DGKH: variants seen among roughly 807,000 people sequenced by gnomAD.
DGKH encodes the protein DAG kinase eta.
A neutral mutation model predicts 159.3 loss-of-function variants in DGKH; 90 were observed. That is an observed-to-expected ratio of 0.57 (90% CI 0.48 to 0.67). The LOEUF is 0.67. Ranked by LOEUF, DGKH falls within the 30% of genes least tolerant of loss-of-function variation. The probability of loss-of-function intolerance (pLI) is 0.00; values close to 1 mark genes in which losing one functional copy is unlikely to be tolerated. For synonymous variants in DGKH, 536 were observed against 553.8 expected (o/e 0.97, Z 0.45); for missense variants, 1,181 against 1,506.1 (o/e 0.78, Z 3.57).
At chr13:42,224,585 T>A (rs1439846508) in intron 29 of DGKH, among the ~76,000 whole-genome samples, 1 of 152,212 alleles carries the variant, frequency 6.6e-6, no homozygotes, top group Admixed American at 6.5e-5. Context: ...TTAAAACTTT[T>A]CAGTAGCTTC....
chr13:42,044,517 C>T (rs2137625147), upstream of DGKH, among the ~76,000 whole-genome samples: 1 of 152,280 alleles, frequency 6.6e-6, no homozygotes, highest in East Asian at 1.9e-4. Context: ...TCTCGATCTC[C>T]TGACCTCGTG....
chr13:42,098,192 A>C (rs768394155), intron 1 of DGKH, among the ~76,000 whole-genome samples: 9 of 152,132 alleles, frequency 5.9e-5, no homozygotes, highest in Non-Finnish European at 1.2e-4. Flanking sequence ...TAATATTATA[A>C]ATTGAAAATT....
At chr13:42,070,018 T>C in intron 1 of DGKH, 1 of 865,742 alleles carries the variant, frequency 1.2e-6, no homozygotes, top group Non-Finnish European at 2.0e-6. Context: ...CTGACAGTCA[T>C]AGTACCTTTC....
Position 42,219,254 on chromosome 13 carries a change from C to T in DGKH, c.3238C>T (p.Arg1080Ter), listed in dbSNP as rs368268622. Residue 1080 changes from arginine (R) to a stop codon, truncating the protein, a stop_gained, in exon 27 of 30, where the codon CGA becomes TGA. Coordinates refer to ENST00000337343, the MANE Select transcript of DGKH (RefSeq NM_178009.5). LOFTEE classifies it high-confidence loss of function. ...GCAGCTGGAATCGCCACATGAAGAGCGAGTATCCAATGCCTTACACTCTGT... is the reference window on the plus strand; with the variant it reads ...GCAGCTGGAATCGCCACATGAAGAGTGAGTATCCAATGCCTTACACTCTGT... ...PLQLESPHEE[R>*]VSNALHSVEV... The T allele has an allele frequency of 3.1e-6, 5 of 1,613,632 alleles. No homozygotes were observed. Among genetic ancestry groups the T allele is most frequent in the Non-Finnish European group, 4.2e-6 (5 of 1,179,812 alleles).
chr13:42,211,389 G>C (rs950292351), intron 24 of DGKH, among the ~76,000 whole-genome samples: 1 of 152,062 alleles, frequency 6.6e-6, no homozygotes, highest in African/African-American at 2.4e-5. Context: ...CTGAGACCGG[G>C]TAATTTATAA....
intron 20 of DGKH, among the ~76,000 whole-genome samples, chr13:42,201,933 C>T (rs1264699409): frequency 6.6e-6 from 1 of 152,046 alleles, no homozygotes; most frequent in Non-Finnish European, 1.5e-5. Context: ...ATGATGAAAT[C>T]ACGGGTGTTA....
At chr13:42,061,807 T>G (rs1882189840) in intron 1 of DGKH, among the ~76,000 whole-genome samples, 3 of 152,240 alleles carry the variant, frequency 2.0e-5, no homozygotes, top group African/African-American at 7.2e-5. Flanking sequence ...TTGAGTTCTA[T>G]TCTAGGTGCT....
In DGKH at chr13:42,159,308, C is replaced by G; in HGVS notation, c.665C>G (p.Thr222Arg). ...KAHKRCAVRA[T>R]NNCKWTTLAS... The stretch of plus-strand genomic sequence containing the variant: ...CACAAAAGATGTGCAGTGAGAGCAA[C>G]AAATAACTGTAAATGGACTACCCTG... The change falls in exon 6 of 30, where the codon ACA becomes AGA. Residue 222 changes from threonine to arginine, a missense_variant. Physicochemically the swap from Thr to Arg is moderately conservative, Grantham distance 71 (BLOSUM62 -1). Coordinates refer to ENST00000337343, the MANE Select transcript of DGKH (RefSeq NM_178009.5). 3 of 1,397,316 alleles carry G rather than the reference C, an allele frequency of 2.1e-6. No homozygotes were observed. The highest frequency in any genetic ancestry group is 2.9e-6 in the Non-Finnish European group (3 of 1,049,884). The allele number at this position is 1,397,316 out of a possible 1,614,324, so 86.6% of individuals were successfully genotyped here.
intron 3 of DGKH, among the ~76,000 whole-genome samples, chr13:42,144,490 C>G (rs1251882438): frequency 6.6e-6 from 1 of 152,036 alleles, no homozygotes; most frequent in African/African-American, 2.4e-5. Context: ...AGTTAGAGAC[C>G]AGCCTGGCCA....
upstream of DGKH, among the ~76,000 whole-genome samples, chr13:42,047,952 T>G (rs538071477): frequency 7.2e-5 from 11 of 151,728 alleles, no homozygotes; most frequent in Non-Finnish European, 1.2e-4. Flanking sequence ...TCGCTCTTTC[T>G]GAACGAAAAG....
chr13:42,206,060 C>G lies in DGKH; in HGVS notation c.2515C>G (p.Leu839Val). Reference protein sequence around the residue: ...QLECDGQYIPLPSLQGIAVLN... With the variant: ...QLECDGQYIPVPSLQGIAVLN... ...ACAGTGTGATGGGCAGTATATTCCT[C>G]TTCCCAGCTTGCAAGGCATAGCCGT... The change falls in exon 21 of 30, where the codon CTT becomes GTT. Residue 839 changes from leucine (L) to valine (V), a missense_variant. Transcript: ENST00000337343. 2.8e-6 allele frequency: 4 copies of G among 1,406,450 alleles called. No individual in the cohort carries two copies. The highest frequency in any genetic ancestry group is 3.7e-6 in the Non-Finnish European group (4 of 1,073,440). The allele number at this position is 1,406,450 out of a possible 1,614,324, so 87.1% of individuals were successfully genotyped here. A position where few individuals can be genotyped will look rare whatever the true frequency, so the allele number is the denominator to read the frequency against.
Position 42,229,200 on chromosome 13 carries a change from C to T in DGKH, c.*12C>T. The T allele has an allele frequency of 6.2e-7, 1 of 1,603,872 alleles. No homozygotes were observed. Among genetic ancestry groups the T allele is most frequent in the Non-Finnish European group, 8.5e-7 (1 of 1,176,548 alleles). On this transcript the variant is annotated 3_prime_UTR_variant, in exon 30 of 30. Coordinates refer to ENST00000337343, the MANE Select transcript of DGKH (RefSeq NM_178009.5). Reference sequence around the variant, plus strand: ...AGTCGGAGGTGTAATCATATTGGTGCTATTTCTTGGAAGAGAAGTTATTGC... The same window carrying T: ...AGTCGGAGGTGTAATCATATTGGTGTTATTTCTTGGAAGAGAAGTTATTGC...
rs1383694808 is a variant in DGKH at position 42,083,383 on chromosome 13, CT to C, written c.192+34420del. 3.3e-5 allele frequency among the ~76,000 whole-genome samples: 5 copies of C among 152,120 alleles called. No homozygotes were observed. In the East Asian group the frequency reaches 9.6e-4, roughly 29 times the overall value. On this transcript the variant is annotated intron_variant, in intron 1 of 29. Coordinates refer to ENST00000337343, the MANE Select transcript of DGKH (RefSeq NM_178009.5). ...AAGGTCATTGAAACTCTTTTTTCCG[CT>C]TGTAAAATGGTGACATGCTCTCCTC...
At chr13:42,068,985 A>C in intron 1 of DGKH, 1 of 1,486,360 alleles carries the variant, frequency 6.7e-7, no homozygotes, top group Non-Finnish European at 9.3e-7. Context: ...TTTGAGGGGA[A>C]GATTTCATAG....
intron 1 of DGKH, among the ~76,000 whole-genome samples, chr13:42,109,112 C>T (rs1055580649): frequency 6.6e-6 from 1 of 152,100 alleles, no homozygotes; most frequent in African/African-American, 2.4e-5. Flanking sequence ...GTGCTGGGTG[C>T]TAAGGAGACA....
chr13:42,221,328 A>T lies in DGKH; in HGVS notation c.3507A>T (p.Lys1169Asn). Residue 1169 changes from lysine to asparagine, a missense_variant, in exon 29 of 30, where the codon AAA becomes AAT. Coordinates refer to ENST00000337343, the MANE Select transcript of DGKH (RefSeq NM_178009.5). ...WLDLLNLGEY[K>N]DIFIRHDIRG... is the part of the protein sequence containing the mutation. ...ATCTGCTCAATTTGGGAGAGTACAAAGATATCTTCATCCGTCATGACATCA... is the reference window on the plus strand; with the variant it reads ...ATCTGCTCAATTTGGGAGAGTACAATGATATCTTCATCCGTCATGACATCA... 2 of 1,613,842 alleles carry T rather than the reference A, an allele frequency of 1.2e-6. No individual in the cohort carries two copies. Among genetic ancestry groups the T allele is most frequent in the Non-Finnish European group, 1.7e-6 (2 of 1,179,758 alleles).
At chr13:42,209,227 T>C (rs1957578372) in intron 22 of DGKH, 104 bp from the exon 23 acceptor site, 1 of 1,458,120 alleles carries the variant, frequency 6.9e-7, no homozygotes, top group Non-Finnish European at 9.3e-7. Context: ...TGATAAAGCA[T>C]AATAGTCTAT....
intron 24 of DGKH, among the ~76,000 whole-genome samples, chr13:42,212,218 A>G (rs1488424848): frequency 6.6e-6 from 1 of 152,182 alleles, no homozygotes; most frequent in East Asian, 1.9e-4. Flanking sequence ...TTAAATATTT[A>G]TTAGATAACT....
chr13:42,187,726 T>C (rs1956967265), intron 14 of DGKH, among the ~76,000 whole-genome samples: 1 of 152,158 alleles, frequency 6.6e-6, no homozygotes, highest in East Asian at 1.9e-4. Context: ...GGGGATCCCA[T>C]GCAGCTGGGC....
Sources: gnomAD v4.1 joint callset for allele counts (sites outside exome capture counted in the v4.1 genomes callset) on GRCh38, gnomAD v4.1.1 for gene constraint, MANE v1.5 for transcripts, NCBI Gene and HGNC (gene_info 2026-07-23, HGNC 2026-07-21) for gene names.